The following SPATA17 variants were observed in gnomAD, a reference collection of about 807,000 sequenced individuals.
SPATA17 encodes the protein spermatogenesis-associated protein 17.
A neutral mutation model predicts 62.2 loss-of-function variants in SPATA17; 53 were observed. The observed-to-expected ratio is 0.85, with a 90% CI of 0.68 to 1.07. The LOEUF is 1.07. Ranked by LOEUF, SPATA17 falls within the 50% of genes least tolerant of loss-of-function variation. The pLI is 0.00. For missense variants in SPATA17, 466 were observed against 425.5 expected (o/e 1.10, Z -0.84); for synonymous variants, 146 against 146.8 (o/e 0.99, Z 0.04).
intron 5 of SPATA17, among the ~76,000 whole-genome samples, chr1:217,736,550 C>T (rs527745678): frequency 1.8e-4 from 22 of 121,904 alleles, no homozygotes; most frequent in African/African-American, 5.5e-4. Flanking sequence ...AAAGTAAATA[C>T]AATTTAAGTG....
At chr1:217,650,923 T>C (rs977581593) in intron 2 of SPATA17, among the ~76,000 whole-genome samples, 174 bp from the exon 3 acceptor site, 4 of 152,252 alleles carry the variant, frequency 2.6e-5, no homozygotes, top group Admixed American at 2.6e-4. Flanking sequence ...TGCCGTTTTC[T>C]TCCACTTCTA....
At position 217,683,293 on chromosome 1, in the gene SPATA17, G is replaced by T. The variant is rs770848508; in HGVS notation, c.327G>T (p.Lys109Asn). Residue 109 changes from lysine to asparagine, a missense_variant, in exon 5 of 11, where the codon AAG (lysine) becomes AAT (asparagine). By Grantham distance (94) the Lys-to-Asn change is moderately conservative (BLOSUM62 0). Coordinates refer to ENST00000366933, the MANE Select transcript of SPATA17 (RefSeq NM_138796.4). ...GATGGCGAGGCTATAGGGTTCGGAA[G>T]TACCTCTTTAATTATTATTATTTGA... ...QRRWRGYRVR[K>N]YLFNYYYLKE... 2.5e-6 allele frequency: 4 copies of T among 1,610,170 alleles called. No homozygotes were observed. Among genetic ancestry groups the T allele is most frequent in the African/African-American group, 1.3e-5 (1 of 74,586 alleles).
At chr1:217,643,726 A>G (rs1410601855) in intron 1 of SPATA17, among the ~76,000 whole-genome samples, 3 of 135,174 alleles carry the variant, frequency 2.2e-5, no homozygotes, top group Non-Finnish European at 5.0e-5. Context: ...ATATATATAT[A>G]TATATATAAT....
rs778849145 is a variant in SPATA17, at chr1:217,871,472, T to G, written c.*4453T>G. On this transcript the variant is annotated 3_prime_UTR_variant, in exon 11 of 11. Transcript: ENST00000366933. ...CTGGCTCAAAGCCTTTTAGGAACAATAAGTTACTGAATTATATGAACCTAT... is the reference window on the plus strand; with the variant it reads ...CTGGCTCAAAGCCTTTTAGGAACAAGAAGTTACTGAATTATATGAACCTAT... 1 of 152,150 alleles carries G rather than the reference T, an allele frequency of 6.6e-6. No homozygotes were observed. The highest frequency in any genetic ancestry group is 1.5e-5 in the Non-Finnish European group (1 of 68,020). 9.4% of individuals were successfully genotyped at this position (152,150 alleles called of 1,614,324 possible).
intron 5 of SPATA17, among the ~76,000 whole-genome samples, chr1:217,717,774 C>G (rs935707280): frequency 6.6e-6 from 1 of 152,088 alleles, no homozygotes; most frequent in Non-Finnish European, 1.5e-5. Flanking sequence ...CTCTTTGACC[C>G]TTTGAGCAAA....
At chr1:217,857,652 G>T (rs1371222578) in intron 9 of SPATA17, among the ~76,000 whole-genome samples, 1 of 152,086 alleles carries the variant, frequency 6.6e-6, no homozygotes, top group Non-Finnish European at 1.5e-5. Flanking sequence ...CATATCAGAG[G>T]CAAATTTTAA....
At chr1:217,715,468 C>G (rs1571752920) in intron 5 of SPATA17, among the ~76,000 whole-genome samples, 1 of 152,038 alleles carries the variant, frequency 6.6e-6, no homozygotes, top group South Asian at 2.1e-4. Flanking sequence ...TGCCAAAATG[C>G]TAATAGGTAA....
chr1:217,669,231 T>C (rs1231914009), intron 4 of SPATA17, 148 bp downstream of exon 4: 2 of 651,728 alleles, frequency 3.1e-6, no homozygotes, highest in Non-Finnish European at 5.2e-6. Context: ...AAGTTAGTTA[T>C]GCTAAATAAT....
intron 9 of SPATA17, among the ~76,000 whole-genome samples, chr1:217,844,933 G>A (rs1416368833): frequency 1.3e-5 from 2 of 152,140 alleles, no homozygotes; most frequent in East Asian, 3.9e-4. Flanking sequence ...TTATTCTAAA[G>A]TATGATGTTC....
At chr1:217,836,401 A>C (rs1338772142) in intron 9 of SPATA17, among the ~76,000 whole-genome samples, 2 of 152,180 alleles carry the variant, frequency 1.3e-5, no homozygotes, top group African/African-American at 4.8e-5. Flanking sequence ...TCACAAAATA[A>C]GAATTTGTCT....
chr1:217,762,809 T>C (rs1327268907), intron 6 of SPATA17, among the ~76,000 whole-genome samples: 1 of 152,094 alleles, frequency 6.6e-6, no homozygotes, highest in Non-Finnish European at 1.5e-5. Flanking sequence ...CCATGTCTAC[T>C]AAAAACACAA....
chr1:217,724,796 A>G (rs985320902), intron 5 of SPATA17, among the ~76,000 whole-genome samples: 7 of 152,034 alleles, frequency 4.6e-5, no homozygotes, highest in African/African-American at 1.4e-4. Context: ...TGTATTCTGT[A>G]ATGACTTTCC....
intron 7 of SPATA17, among the ~76,000 whole-genome samples, chr1:217,779,519 T>A (rs1673681539): frequency 6.6e-6 from 1 of 151,842 alleles, no homozygotes; most frequent in Admixed American, 6.6e-5. Context: ...CATTCTCTTG[T>A]TTCCTTCCTT....
intron 6 of SPATA17, among the ~76,000 whole-genome samples, chr1:217,748,667 C>G (rs931890067): frequency 6.7e-6 from 1 of 149,790 alleles, no homozygotes; most frequent in Non-Finnish European, 1.5e-5. Flanking sequence ...TCGCTTGAAC[C>G]TGGGAGGCAG....
chr1:217,684,695 C>T (rs1029067487), intron 5 of SPATA17, among the ~76,000 whole-genome samples: 1 of 152,172 alleles, frequency 6.6e-6, no homozygotes, highest in Admixed American at 6.5e-5. Context: ...GGATTACAGG[C>T]ATGAGCCACT....
At chr1:217,645,526 T>C (rs1482629470) in intron 1 of SPATA17, among the ~76,000 whole-genome samples, 2 of 152,170 alleles carry the variant, frequency 1.3e-5, no homozygotes, top group African/African-American at 4.8e-5. Flanking sequence ...AAATGGACTA[T>C]ATTAAGAAGA....
At chr1:217,769,845 A>G (rs1571793852) in intron 6 of SPATA17, among the ~76,000 whole-genome samples, 1 of 152,300 alleles carries the variant, frequency 6.6e-6, no homozygotes, top group East Asian at 1.9e-4. Flanking sequence ...CTGAGAAATG[A>G]CCATGTTTCC....
rs1179435883 is a variant in SPATA17, at chr1:217,811,560, G to A, written c.1005+9710G>A. 2.6e-5 allele frequency among the ~76,000 whole-genome samples: 4 copies of A among 151,830 alleles called. No individual in the cohort carries two copies. In the East Asian group the frequency reaches 5.8e-4, roughly 22 times the overall value. On this transcript the variant is annotated intron_variant, in intron 9 of 10. Coordinates refer to ENST00000366933, the MANE Select transcript of SPATA17 (RefSeq NM_138796.4). ...TTACAAAAATTAGCTGGGCATGGTGGTGCACACCTGTAATCCCAGCTGCTC... is the reference window on the plus strand; with the variant it reads ...TTACAAAAATTAGCTGGGCATGGTGATGCACACCTGTAATCCCAGCTGCTC...
In SPATA17 at chr1:217,814,993, T is replaced by C. The variant is rs1320396060; in HGVS notation, c.1005+13143T>C. Among the ~76,000 whole-genome samples the C allele has an allele frequency of 3.9e-5, 6 of 152,320 alleles. No homozygotes were observed. The South Asian group carries it at 1.2e-3, about 32-fold the overall frequency. On this transcript the variant is annotated intron_variant, in intron 9 of 10. Coordinates refer to ENST00000366933, the MANE Select transcript of SPATA17 (RefSeq NM_138796.4). ...ATGTTATCTCTGCATTTTTCTACAA[T>C]TAAACTCGTAACCTTATGTTTTTAA... is the stretch of plus-strand genomic sequence containing the variant.
Sources: gnomAD v4.1 joint callset for allele counts (sites outside exome capture counted in the v4.1 genomes callset) on GRCh38, gnomAD v4.1.1 for gene constraint, MANE v1.5 for transcripts, NCBI Gene and HGNC (gene_info 2026-07-23, HGNC 2026-07-21) for gene names.